Variants in EPHA6 observed in about 807,000 individuals in gnomAD.
EPHA6 encodes the protein ephrin type-A receptor 6.
Under a neutral mutation model 112.0 loss-of-function variants are expected in EPHA6, and 50 were observed. That is an observed-to-expected ratio of 0.45 (90% confidence interval 0.36 to 0.56). The LOEUF is 0.56. EPHA6 is among the 20% of genes least tolerant of loss of function. The pLI is 0.00. For missense variants in EPHA6, 1,280 were observed against 1,417.4 expected, an observed-to-expected ratio of 0.90 and a Z score of 1.56; for synonymous variants, 529 against 490.7, an observed-to-expected ratio of 1.08 and a Z score of -1.03.
chr3:96,874,048 G>T (rs999638990), intron 2 of EPHA6, among the ~76,000 whole-genome samples: 7 of 152,028 alleles, frequency 4.6e-5, no homozygotes, highest in Non-Finnish European at 1.0e-4. Flanking sequence ...CAATCCCAAA[G>T]CCAAGACTTT....
chr3:96,828,154 A>G (rs937089731), intron 1 of EPHA6, among the ~76,000 whole-genome samples: 38 of 152,110 alleles, frequency 2.5e-4, no homozygotes, highest in African/African-American at 8.9e-4. Context: ...GCAAAAAGAA[A>G]AAAGAAAAAA....
chr3:96,993,380 T>C (rs2043287574), intron 3 of EPHA6, among the ~76,000 whole-genome samples: 1 of 151,814 alleles, frequency 6.6e-6, no homozygotes, highest in Non-Finnish European at 1.5e-5. Context: ...CACTGCAACT[T>C]CCGCCTCCTG....
intron 2 of EPHA6, among the ~76,000 whole-genome samples, chr3:96,924,048 C>A (rs992472219): frequency 6.6e-6 from 1 of 152,094 alleles, no homozygotes; most frequent in Non-Finnish European, 1.5e-5. Flanking sequence ...TTACTCTAGC[C>A]TAGTAGTATA....
chr3:97,518,730 T>C (rs1202393277), intron 10 of EPHA6, among the ~76,000 whole-genome samples: 1 of 152,148 alleles, frequency 6.6e-6, no homozygotes, highest in East Asian at 1.9e-4. Context: ...TTCCTGATAA[T>C]TAGTGACATT....
intron 2 of EPHA6, among the ~76,000 whole-genome samples, chr3:96,957,068 G>A (rs115463669): frequency 0.012 from 1,886 of 151,382 alleles, 35 homozygotes; most frequent in African/African-American, 0.041. Flanking sequence ...ACAGTGATGA[G>A]AAAAATTAAA....
chr3:97,182,069 G>A (rs1053377751), intron 3 of EPHA6, among the ~76,000 whole-genome samples: 3 of 152,074 alleles, frequency 2.0e-5, no homozygotes, highest in Non-Finnish European at 4.4e-5. Context: ...ATACCCCAGA[G>A]AAAAGATGAA....
chr3:97,104,487 G>T (rs2047505051), intron 3 of EPHA6, among the ~76,000 whole-genome samples: 1 of 152,072 alleles, frequency 6.6e-6, no homozygotes, highest in South Asian at 2.1e-4. Context: ...GCATCCCAGG[G>T]ATGAAGCCTA....
chr3:97,447,641 C>T (rs2090391387), intron 6 of EPHA6: 1 of 308,466 alleles, frequency 3.2e-6, no homozygotes, highest in African/African-American at 2.2e-5. Context: ...CAATCTCTTA[C>T]ATGGACAGGT....
intron 3 of EPHA6, among the ~76,000 whole-genome samples, chr3:97,213,660 A>G (rs2077942202): frequency 6.9e-6 from 1 of 144,162 alleles, no homozygotes; most frequent in Non-Finnish European, 1.5e-5. Flanking sequence ...ACTTATCATC[A>G]GCCCAGCGAT....
chr3:97,121,283 G>A (rs953230385), intron 3 of EPHA6, among the ~76,000 whole-genome samples: 1 of 152,004 alleles, frequency 6.6e-6, no homozygotes, highest in Non-Finnish European at 1.5e-5. Context: ...CATTTAAGTA[G>A]TAACCAGCTG....
intron 3 of EPHA6, among the ~76,000 whole-genome samples, chr3:97,021,605 G>A (rs1418347477): frequency 6.6e-6 from 1 of 152,178 alleles, no homozygotes; most frequent in Non-Finnish European, 1.5e-5. Context: ...TTAGTTTCTG[G>A]TGGGGATGCT....
intron 14 of EPHA6, among the ~76,000 whole-genome samples, chr3:97,711,426 T>A (rs1276928691): frequency 1.3e-5 from 2 of 151,884 alleles, no homozygotes; most frequent in Non-Finnish European, 1.5e-5. Context: ...TATATATATA[T>A]AATTATGGGA....
chr3:96,958,185 G>T (rs1355111041), intron 2 of EPHA6, among the ~76,000 whole-genome samples: 1 of 152,010 alleles, frequency 6.6e-6, no homozygotes, highest in Admixed American at 6.6e-5. Context: ...AGCTACTTGG[G>T]TGGCTGAGGC....
intron 4 of EPHA6, among the ~76,000 whole-genome samples, chr3:97,229,311 A>G (rs1228297984): frequency 2.0e-5 from 3 of 151,934 alleles, no homozygotes; most frequent in African/African-American, 7.2e-5. Flanking sequence ...GTCGAGAAGA[A>G]TTTTTCTGAT....
chr3:96,853,164 C>T (rs1258560173), intron 1 of EPHA6, among the ~76,000 whole-genome samples: 1 of 152,068 alleles, frequency 6.6e-6, no homozygotes, highest in East Asian at 1.9e-4. Flanking sequence ...TGTATAATTA[C>T]AGCTTGAGAG....
chr3:97,744,849 A>G (rs2035645990), intron 16 of EPHA6, among the ~76,000 whole-genome samples: 1 of 151,984 alleles, frequency 6.6e-6, no homozygotes, highest in African/African-American at 2.4e-5. Flanking sequence ...GCATAGGAGT[A>G]TGAAGGGAAA....
Position 97,457,161 on chromosome 3 carries a change from T to C in EPHA6, c.1894+8431T>C, listed in dbSNP as rs116528534. Among the ~76,000 whole-genome samples the C allele has an allele frequency of 5.0e-3, 755 of 152,308 alleles. 2 individuals carry two copies. The highest frequency in any genetic ancestry group is 9.1e-3 in the Admixed American group (139 of 15,296). ...CTCACCCTCATCTGTTGCATGGTCA[T>C]GCACTAAGCTCAAGTAGGGAATACA... is the stretch of plus-strand genomic sequence containing the variant. On this transcript the variant is annotated intron_variant, in intron 7 of 17. Coordinates refer to ENST00000389672, the MANE Select transcript of EPHA6 (RefSeq NM_001080448.3).
chr3:97,158,241 T>A (rs571395464), intron 3 of EPHA6, among the ~76,000 whole-genome samples: 5 of 152,268 alleles, frequency 3.3e-5, no homozygotes, highest in African/African-American at 1.2e-4. Context: ...TGAAAATATT[T>A]GCTTTATCCA....
intron 14 of EPHA6, among the ~76,000 whole-genome samples, chr3:97,693,835 A>G (rs1344916586): frequency 3.9e-5 from 6 of 151,990 alleles, no homozygotes; most frequent in Non-Finnish European, 7.4e-5. Flanking sequence ...ATAAAAAAAG[A>G]CTATTGTTTA....
Sources: allele counts gnomAD v4.1 joint callset (sites outside exome capture counted in the v4.1 genomes callset), GRCh38; gene constraint gnomAD v4.1.1; transcripts MANE v1.5; gene names NCBI Gene and HGNC (gene_info 2026-07-23, HGNC 2026-07-21).